Variants in ZBTB7A observed in about 807,000 individuals in gnomAD.
The protein encoded by ZBTB7A is zinc finger and BTB domain containing 7A.
Under a neutral mutation model 26.7 loss-of-function variants are expected in ZBTB7A, and 7 were observed. The observed-to-expected ratio is 0.26, with a 90% CI of 0.15 to 0.49. The LOEUF (loss-of-function observed/expected upper bound fraction) is 0.49, where lower values mean the gene tolerates loss of function less well. Among genes scored for constraint, ZBTB7A ranks in the 20% least tolerant of loss-of-function variants. The pLI is 0.98. For synonymous variants in ZBTB7A, 452 were observed against 441.0 expected (o/e 1.02, Z -0.31); for missense variants, 617 against 919.5 (o/e 0.67, Z 4.25).
At chr19:4,049,164 G>GTATATATATATA (rs748377446) in intron 2 of ZBTB7A, among the ~76,000 whole-genome samples, 63 of 21,124 alleles carry the variant, frequency 3.0e-3, no homozygotes, top group Non-Finnish European at 5.8e-3. Context: ...GTGTGTGTGT[G>GTATATATATATA]TGTGTATATA....
chr19:4,052,790 TG>T lies in ZBTB7A; in HGVS notation c.1262+1180del. ...CCCGGGCCTGGCCTTGAACTCCTGC[TG>T]TTTAGGGACCAAGTCCTGTGGCTCC... On this transcript the variant is annotated intron_variant, in intron 2 of 2. Transcript: ENST00000322357. This position sits in a 1 kb window ranked among gnomAD's most constrained non-coding sequence, Gnocchi z 4.9. 6.6e-6 allele frequency among the ~76,000 whole-genome samples: 1 copy of T among 152,306 alleles called. No homozygotes were observed. The highest frequency in any genetic ancestry group is 3.4e-3 in the Middle Eastern group (1 of 294).
chr19:4,049,045 G>A (rs867134946), intron 2 of ZBTB7A, among the ~76,000 whole-genome samples: 25 of 149,056 alleles, frequency 1.7e-4, no homozygotes, highest in Non-Finnish European at 2.4e-4. Context: ...GCGTGATCAC[G>A]GTTCCCTGCA....
At position 4,045,644 on chromosome 19, in the gene ZBTB7A, C is replaced by T. The variant is rs570684776; in HGVS notation, c.*2108G>A. The T allele has an allele frequency of 3.6e-5, 13 of 361,558 alleles. No individual in the cohort carries two copies. The East Asian group carries it at 4.5e-4, about 13-fold the overall frequency. 22.4% of individuals were successfully genotyped at this position (361,558 alleles called of 1,614,324 possible). A position where few individuals can be genotyped will look rare whatever the true frequency, so the allele number is the denominator to read the frequency against. ...GGGGGGTCGGGGGCAGGGAGACACCCCCCCGCCGGTTGGGCATTGACAAGA... is the reference window on the plus strand; with the variant it reads ...GGGGGGTCGGGGGCAGGGAGACACCTCCCCGCCGGTTGGGCATTGACAAGA... On this transcript the variant is annotated 3_prime_UTR_variant, in exon 3 of 3. Transcript: ENST00000322357. The surrounding 1 kb of genome is among the most constrained non-coding windows in gnomAD (Gnocchi z 4.1).
At chr19:4,066,152 C>G (rs924202592) in intron 1 of ZBTB7A, among the ~76,000 whole-genome samples, 1 of 137,780 alleles carries the variant, frequency 7.3e-6, no homozygotes, top group African/African-American at 2.7e-5. Context: ...ACACCCCACC[C>G]CTTCCCCCTC....
intron 2 of ZBTB7A, among the ~76,000 whole-genome samples, chr19:4,053,051 G>T (rs535054066): frequency 6.6e-6 from 1 of 152,330 alleles, no homozygotes; most frequent in South Asian, 2.1e-4. Context: ...CACGGCCTGG[G>T]CTGTCCCTCC....
intron 1 of ZBTB7A, among the ~76,000 whole-genome samples, chr19:4,064,803 G>C (rs1199133385): frequency 5.3e-5 from 8 of 152,152 alleles, no homozygotes; most frequent in Admixed American, 1.3e-4. Flanking sequence ...CGCCTGACTG[G>C]GGGGAGAGGA....
chr19:4,047,895 A>G lies in ZBTB7A; in HGVS notation c.1612T>C (p.Phe538Leu). 2 of 1,583,586 alleles carry G rather than the reference A, an allele frequency of 1.3e-6. No homozygotes were observed. The highest frequency in any genetic ancestry group is 1.7e-6 in the Non-Finnish European group (2 of 1,166,726). ...TCCTCGTCCTCGTCCTCGTCCTTAA[A>G]GTGCTTCTCCTGGCCGTTGCGCCGG... ...DARRNGQEKH[F>L]KDEDEDEDVA... The change falls in exon 3 of 3, where the codon TTT becomes CTT. Residue 538 changes from phenylalanine to leucine, a missense_variant. Transcript: ENST00000322357.
Position 4,045,762 on chromosome 19 carries a change from G to A in ZBTB7A, c.*1990C>T. The A allele has an allele frequency of 2.5e-6, 1 of 397,604 alleles. No individual in the cohort carries two copies. The highest frequency in any genetic ancestry group is 4.4e-6 in the Non-Finnish European group (1 of 225,808). 24.6% of individuals were successfully genotyped at this position (397,604 alleles called of 1,614,324 possible). ...GGGCGTCCTGGCATCTGGCGACATA[G>A]TCTCCCCAACCCCGGCCCCTGTCCG... On this transcript the variant is annotated 3_prime_UTR_variant, in exon 3 of 3. Transcript: ENST00000322357. The surrounding 1 kb of genome is among the most constrained non-coding windows in gnomAD (Gnocchi z 4.1).
chr19:4,050,396 C>T (rs1278825094), intron 2 of ZBTB7A, among the ~76,000 whole-genome samples: 2 of 152,192 alleles, frequency 1.3e-5, no homozygotes, highest in Non-Finnish European at 2.9e-5. Flanking sequence ...CTTGTTTCTC[C>T]TCTGTCTCCC....
chr19:4,056,455 G>A lies in ZBTB7A; in HGVS notation c.-15-1208C>T, dbSNP rs984105322. On this transcript the variant is annotated intron_variant, in intron 1 of 2. Transcript: ENST00000322357. ...GAAAGGGCACTTTGAGGCCCGGCTC[G>A]GTGCTCACGCCTGTAATTCTAGCAT... Among the ~76,000 whole-genome samples the A allele has an allele frequency of 7.9e-5, 12 of 152,178 alleles. No individual in the cohort carries two copies. The South Asian group carries it at 1.9e-3, about 24-fold the overall frequency.
Position 4,048,846 on chromosome 19 carries a change from G to A in ZBTB7A, c.1263-602C>T, listed in dbSNP as rs894460103. ...TTTCACTTTTTAAGAGCGAAACTCC[G>A]TCTCAAAAAACAAATCTGCCAGGCG... On this transcript the variant is annotated intron_variant, in intron 2 of 2. Transcript: ENST00000322357. This position sits in a 1 kb window ranked among gnomAD's most constrained non-coding sequence, Gnocchi z 6.7. Among the ~76,000 whole-genome samples the A allele has an allele frequency of 2.6e-5, 4 of 151,098 alleles. No homozygotes were observed. Among genetic ancestry groups the A allele is most frequent in the African/African-American group, 7.3e-5 (3 of 41,078 alleles).
In ZBTB7A at chr19:4,054,243, C is replaced by T. The variant is rs754885268; in HGVS notation, c.990G>A (p.Ala330=). The T allele has an allele frequency of 1.0e-5, 16 of 1,580,474 alleles. No homozygotes were observed. Among genetic ancestry groups the T allele is most frequent in the Non-Finnish European group, 1.3e-5 (15 of 1,170,444 alleles). Residue 330 remains alanine, a synonymous_variant, in exon 2 of 3, where the codon GCG becomes GCA. Transcript: ENST00000322357. The part of the protein sequence containing the change: ...LQQMMSSVGR[A]GAAAGDSDEE... ...CGTCGCTGTCCCCCGCCGCGGCCCC[C>T]GCCCGGCCCACCGATGACATCATCT...
chr19:4,049,166 GTGTATATATATATATATATATATA>G (rs1366939889), intron 2 of ZBTB7A, among the ~76,000 whole-genome samples: 1,153 of 13,504 alleles, frequency 0.085, 123 homozygotes, highest in African/African-American at 0.23. Flanking sequence ...GTGTGTGTGT[GTGTATATATATATATATATATATA>G]TATATATATA....
rs941618321 is a variant in ZBTB7A at position 4,052,948 on chromosome 19, C to A, written c.1262+1023G>T. Reference sequence around the variant, plus strand: ...AGGTTCCGGCAAGGCCTGTCCCCGGCGCCTAGAACAGGCCTGGCACCAGCA... The same window carrying A: ...AGGTTCCGGCAAGGCCTGTCCCCGGAGCCTAGAACAGGCCTGGCACCAGCA... On this transcript the variant is annotated intron_variant, in intron 2 of 2. Transcript: ENST00000322357. This position sits in a 1 kb window ranked among gnomAD's most constrained non-coding sequence, Gnocchi z 4.9. 6.6e-6 allele frequency among the ~76,000 whole-genome samples: 1 copy of A among 152,174 alleles called. No individual in the cohort carries two copies. Among genetic ancestry groups the A allele is most frequent in the African/African-American group, 2.4e-5 (1 of 41,450 alleles).
rs750861348 is a variant in ZBTB7A at position 4,046,342 on chromosome 19, GTTTTT to G, written c.*1405_*1409del. 1.1e-5 allele frequency: 3 copies of G among 266,882 alleles called. No individual in the cohort carries two copies. Among genetic ancestry groups the G allele is most frequent in the Non-Finnish European group, 2.1e-5 (3 of 145,868 alleles). 16.5% of individuals were successfully genotyped at this position (266,882 alleles called of 1,614,324 possible). The stretch of plus-strand genomic sequence containing the variant: ...GAAGTGGATTCTACGTTTGTGGTGG[GTTTTT>G]TTTTTTATTATTTTGTACAAAAATA... On this transcript the variant is annotated 3_prime_UTR_variant, in exon 3 of 3. Transcript: ENST00000322357.
chr19:4,064,326 C>A (rs1429370027), intron 1 of ZBTB7A, among the ~76,000 whole-genome samples: 1 of 152,204 alleles, frequency 6.6e-6, no homozygotes, highest in Non-Finnish European at 1.5e-5. Context: ...CCGGCTCCTG[C>A]CCCCCCTTCT....
chr19:4,047,548 G>A lies in ZBTB7A; in HGVS notation c.*204C>T, dbSNP rs1460656565. On this transcript the variant is annotated 3_prime_UTR_variant, in exon 3 of 3. Coordinates refer to ENST00000322357, the MANE Select transcript of ZBTB7A (RefSeq NM_015898.4). ...GGGGCCCCTGCGGAGGGAGAAAAACGTCAGAAAGGAGGGAAATCTGAGAAA... is the reference window on the plus strand; with the variant it reads ...GGGGCCCCTGCGGAGGGAGAAAAACATCAGAAAGGAGGGAAATCTGAGAAA... 4.9e-6 allele frequency: 2 copies of A among 404,660 alleles called. No individual in the cohort carries two copies. Among genetic ancestry groups the A allele is most frequent in the African/African-American group, 2.1e-5 (1 of 47,328 alleles). The allele number at this position is 404,660 out of a possible 1,614,324, so 25.1% of individuals were successfully genotyped here.
chr19:4,063,298 G>C (rs1243847303), intron 1 of ZBTB7A, among the ~76,000 whole-genome samples: 1 of 152,220 alleles, frequency 6.6e-6, no homozygotes, highest in East Asian at 1.9e-4. Context: ...CAAGGTCGCA[G>C]AGCAAGCGTG....
At position 4,045,111 on chromosome 19, in the gene ZBTB7A, G is replaced by C. The variant is rs1305408182; in HGVS notation, c.*2641C>G. The C allele has an allele frequency of 6.6e-6, 1 of 152,268 alleles. No individual in the cohort carries two copies. Among genetic ancestry groups the C allele is most frequent in the African/African-American group, 2.4e-5 (1 of 41,446 alleles). The allele number at this position is 152,268 out of a possible 1,614,324, so 9.4% of individuals were successfully genotyped here. ...GGAACGAGGGTTTAGTGCAATCCCC[G>C]AGGTCTGTGTAAGTGTCGCGGTGGG... On this transcript the variant is annotated 3_prime_UTR_variant, in exon 3 of 3. Coordinates refer to ENST00000322357, the MANE Select transcript of ZBTB7A (RefSeq NM_015898.4). The surrounding 1 kb of genome is among the most constrained non-coding windows in gnomAD (Gnocchi z 4.1).
Sources: gnomAD v4.1 joint callset for allele counts (sites outside exome capture counted in the v4.1 genomes callset) on GRCh38, gnomAD v4.1.1 for gene constraint, Gnocchi (gnomAD v3.1) non-coding constraint, MANE v1.5 for transcripts, NCBI Gene and HGNC (gene_info 2026-07-23, HGNC 2026-07-21) for gene names.